The following UBXN2A variants were observed in gnomAD, a reference collection of about 807,000 sequenced individuals.
UBXN2A encodes UBX domain protein 2A.
A neutral mutation model predicts 28.4 loss-of-function variants in UBXN2A; 28 were observed. The ratio of observed to expected loss-of-function variants is 0.99; its 90% CI spans 0.73 to 1.35. The LOEUF (loss-of-function observed/expected upper bound fraction) is 1.35, where lower values mean the gene tolerates loss of function less well. Among genes scored for constraint, UBXN2A ranks in the 40% most tolerant of loss-of-function variants. The probability of loss-of-function intolerance (pLI) is 0.00; values close to 1 mark genes in which losing one functional copy is unlikely to be tolerated. For missense variants in UBXN2A, 253 were observed against 297.9 expected (o/e 0.85, Z 1.11); for synonymous variants, 97 against 103.6 (o/e 0.94, Z 0.39).
chr2:23,977,637 A>G (rs1036206780), intron 4 of UBXN2A, among the ~76,000 whole-genome samples: 9 of 152,164 alleles, frequency 5.9e-5, no homozygotes, highest in Admixed American at 1.3e-4. Flanking sequence ...GCAAAACTCC[A>G]TCTCAAAACC....
intron 1 of UBXN2A, among the ~76,000 whole-genome samples, chr2:23,941,875 C>T (rs1344562176): frequency 6.6e-6 from 1 of 152,104 alleles, no homozygotes; most frequent in Admixed American, 6.6e-5. Context: ...CAGTTCTAGA[C>T]CAGCCTGGCT....
At chr2:23,983,526 G>A (rs891470729) in intron 5 of UBXN2A, among the ~76,000 whole-genome samples, 7 of 152,010 alleles carry the variant, frequency 4.6e-5, no homozygotes, top group African/African-American at 1.4e-4. Flanking sequence ...AGAAATGCCA[G>A]CAATACAGTA....
chr2:23,972,588 C>T (rs1459564539), intron 3 of UBXN2A, among the ~76,000 whole-genome samples: 2 of 152,148 alleles, frequency 1.3e-5, no homozygotes, highest in Non-Finnish European at 2.9e-5. Context: ...CTTTGGGAGG[C>T]TGAGGCGGGT....
intron 6 of UBXN2A, 38 bp downstream of exon 6, chr2:23,984,869 A>C: frequency 6.5e-7 from 1 of 1,528,210 alleles, no homozygotes; most frequent in Non-Finnish European, 8.7e-7. Context: ...TTTTTTCACC[A>C]AGTTAAAATT....
intron 2 of UBXN2A, among the ~76,000 whole-genome samples, chr2:23,967,147 C>T (rs1376944921): frequency 6.6e-6 from 1 of 152,082 alleles, no homozygotes; most frequent in Non-Finnish European, 1.5e-5. Flanking sequence ...TCCACTCTAC[C>T]CTGAACCTCT....
At chr2:23,997,897 C>T (rs574369245) in intron 6 of UBXN2A, among the ~76,000 whole-genome samples, 1 of 150,798 alleles carries the variant, frequency 6.6e-6, no homozygotes, top group Non-Finnish European at 1.5e-5. Flanking sequence ...ACTGCAACCT[C>T]GCCTCCTGGG....
chr2:23,973,620 G>A (rs1013978677), intron 3 of UBXN2A, among the ~76,000 whole-genome samples: 3 of 150,772 alleles, frequency 2.0e-5, no homozygotes, highest in South Asian at 2.1e-4. Flanking sequence ...GATTACAGGC[G>A]TGAGCCACTG....
chr2:23,932,313 TC>T (rs1553466079), intron 1 of UBXN2A, among the ~76,000 whole-genome samples: 1 of 140,810 alleles, frequency 7.1e-6, no homozygotes, highest in Non-Finnish European at 1.5e-5. Flanking sequence ...GCAGGATTTT[TC>T]CCCCTCCGTC....
chr2:23,989,270 A>G (rs1708249769), intron 6 of UBXN2A, among the ~76,000 whole-genome samples: 1 of 151,464 alleles, frequency 6.6e-6, no homozygotes, highest in African/African-American at 2.4e-5. Context: ...GTGTGTATGT[A>G]TATATATGCA....
intron 1 of UBXN2A, among the ~76,000 whole-genome samples, chr2:23,945,941 G>A (rs1362847369): frequency 2.0e-5 from 3 of 150,104 alleles, no homozygotes; most frequent in East Asian, 2.0e-4. Context: ...AGCAATTCTC[G>A]TGCCTCAGCC....
chr2:23,991,272 T>C (rs1308000109), intron 6 of UBXN2A, among the ~76,000 whole-genome samples: 2 of 152,272 alleles, frequency 1.3e-5, no homozygotes, highest in African/African-American at 4.8e-5. Flanking sequence ...GAGATGAAAT[T>C]GTGTTTTTCT....
chr2:23,944,475 A>G, intron 1 of UBXN2A: 1 of 673,714 alleles, frequency 1.5e-6, no homozygotes, highest in Non-Finnish European at 2.7e-6. Flanking sequence ...TTGCGCTTTC[A>G]GATCCCCTTG....
chr2:23,995,541 A>G (rs912710010), intron 6 of UBXN2A, among the ~76,000 whole-genome samples: 4 of 151,784 alleles, frequency 2.6e-5, no homozygotes, highest in African/African-American at 9.7e-5. Context: ...AATACAAAAA[A>G]AATTAGCCAG....
At position 23,984,681 on chromosome 2, in the gene UBXN2A, C is replaced by T; in HGVS notation, c.434C>T (p.Pro145Leu). ...GQGHRLGSAT[P>L]KIVSKAKNIE... ...TGTCTGGATTTCCTTAGTGCCACAC[C>T]AAAAATTGTTTCTAAAGCAAAGAAT... Residue 145 changes from proline (P) to leucine (L), a missense_variant, in exon 6 of 7, where the codon CCA becomes CTA. Pro to Leu is a moderately conservative substitution (Grantham distance 98). Coordinates refer to ENST00000309033, the MANE Select transcript of UBXN2A (RefSeq NM_181713.4). 1 of 1,518,568 alleles carries T rather than the reference C, an allele frequency of 6.6e-7. No homozygotes were observed. The highest frequency in any genetic ancestry group is 8.8e-7 in the Non-Finnish European group (1 of 1,142,538). The allele number at this position is 1,518,568 out of a possible 1,614,324, so 94.1% of individuals were successfully genotyped here.
At chr2:23,997,227 A>C (rs1708575950) in intron 6 of UBXN2A, 1 of 152,040 alleles carries the variant, frequency 6.6e-6, no homozygotes, top group Non-Finnish European at 1.5e-5. Flanking sequence ...TTTCTTGATA[A>C]ATCTTGTCAG....
chr2:23,941,759 T>C (rs540411621), intron 1 of UBXN2A, among the ~76,000 whole-genome samples: 4 of 152,306 alleles, frequency 2.6e-5, no homozygotes, highest in East Asian at 3.9e-4. Flanking sequence ...TACAGTGTCA[T>C]TGGGCAAAAC....
rs57701448 is a variant in UBXN2A, at chr2:23,951,413, GATATATATATATATAT to G, written c.-14-6852_-14-6837del. On this transcript the variant is annotated intron_variant, in intron 1 of 6. Transcript: ENST00000309033. The stretch of plus-strand genomic sequence containing the variant: ...ATTATAATTGATATACAGTAAGATG[GATATATATATATATAT>G]ATATATATATATATATATATATATA... 9.8e-3 allele frequency among the ~76,000 whole-genome samples: 1,077 copies of G among 109,838 alleles called. 15 individuals carry two copies. Among genetic ancestry groups the G allele is most frequent in the Non-Finnish European group, 0.012 (666 of 55,402 alleles). 72.1% of individuals were successfully genotyped at this position (109,838 alleles called of 152,430 possible).
chr2:23,981,912 A>G (rs2150892738), intron 4 of UBXN2A, among the ~76,000 whole-genome samples: 1 of 152,248 alleles, frequency 6.6e-6, no homozygotes, highest in East Asian at 1.9e-4. Flanking sequence ...CAAATTATTT[A>G]TTTAACAGAG....
At chr2:23,931,130 C>T (rs1705354310) in intron 1 of UBXN2A, among the ~76,000 whole-genome samples, 1 of 151,674 alleles carries the variant, frequency 6.6e-6, no homozygotes, top group Admixed American at 6.6e-5. Flanking sequence ...CCAGCCTGGG[C>T]GACAGAGCAA....
Sources: gnomAD v4.1 joint callset for allele counts (sites outside exome capture counted in the v4.1 genomes callset) on GRCh38, gnomAD v4.1.1 for gene constraint, MANE v1.5 for transcripts, NCBI Gene and HGNC (gene_info 2026-07-23, HGNC 2026-07-21) for gene names.